TMEM132C: variants seen among roughly 807,000 people sequenced by gnomAD.
TMEM132C encodes transmembrane protein 132C, also known as protein phosphatase 1, regulatory subunit 152.
Under a neutral mutation model 61.4 loss-of-function variants are expected in TMEM132C, and 29 were observed. The observed-to-expected ratio is 0.47, with a 90% CI of 0.35 to 0.64. The LOEUF (loss-of-function observed/expected upper bound fraction) is 0.64. TMEM132C is among the 30% of genes least tolerant of loss of function. TMEM132C has a pLI of 0.00. For synonymous variants in TMEM132C, 656 were observed against 633.1 expected (o/e 1.04, Z -0.54); for missense variants, 1,408 against 1,476.9 (o/e 0.95, Z 0.76).
intron 1 of TMEM132C, among the ~76,000 whole-genome samples, chr12:128,331,049 A>C (rs1035174599): frequency 7.6e-4 from 115 of 152,174 alleles, no homozygotes; most frequent in Admixed American, 5.9e-4. Context: ...TCACTGATAA[A>C]GTTGAAATCC....
chr12:128,614,974 C>T (rs1876751281), intron 3 of TMEM132C, among the ~76,000 whole-genome samples: 1 of 152,180 alleles, frequency 6.6e-6, no homozygotes, highest in South Asian at 2.1e-4. Flanking sequence ...GCCAGGGGCA[C>T]CCCACAGCTG....
chr12:128,681,817 A>ATTTTTTTTTTTTTT (rs35154554), intron 5 of TMEM132C, among the ~76,000 whole-genome samples: 90 of 86,436 alleles, frequency 1.0e-3, no homozygotes, highest in African/African-American at 1.6e-3. Context: ...CCACGCCTGG[A>ATTTTTTTTTTTTTT]TTTTTTTTTT....
chr12:128,694,560 C>T (rs530943021), intron 6 of TMEM132C, among the ~76,000 whole-genome samples: 1 of 152,178 alleles, frequency 6.6e-6, no homozygotes, highest in East Asian at 1.9e-4. Context: ...GCCCTGTGAC[C>T]CCCGGATTAG....
At chr12:128,555,505 C>T (rs563453473) in intron 3 of TMEM132C, among the ~76,000 whole-genome samples, 79 of 152,284 alleles carry the variant, frequency 5.2e-4, no homozygotes, top group African/African-American at 1.8e-3. Context: ...TCTCCCACTC[C>T]ACACACGCAA....
intron 4 of TMEM132C, among the ~76,000 whole-genome samples, chr12:128,622,632 G>A (rs948719123): frequency 1.3e-5 from 2 of 151,670 alleles, no homozygotes; most frequent in African/African-American, 4.8e-5. Flanking sequence ...GGATCTGCAC[G>A]TCAATCTGCA....
intron 5 of TMEM132C, among the ~76,000 whole-genome samples, chr12:128,679,348 C>T (rs1481865347): frequency 6.6e-6 from 1 of 152,210 alleles, no homozygotes; most frequent in Non-Finnish European, 1.5e-5. Flanking sequence ...ATCTCAGTAA[C>T]TTAACAACAG....
chr12:128,396,944 G>A (rs1874978847), intron 1 of TMEM132C, among the ~76,000 whole-genome samples: 1 of 152,198 alleles, frequency 6.6e-6, no homozygotes, highest in African/African-American at 2.4e-5. Flanking sequence ...AGCTGCAGTG[G>A]ACACCTTAGA....
rs561313229 is a variant in TMEM132C at position 128,326,553 on chromosome 12, A to G, written c.85+59066A>G. On this transcript the variant is annotated intron_variant, in intron 1 of 8. Transcript: ENST00000435159. The surrounding 1 kb of genome is among the most constrained non-coding windows in gnomAD (Gnocchi z 5.6). ...AGGTGGAGCAGCCCAGGCTTCCACA[A>G]TATCTAGAATTGGAACAGTAGCCCC... is the stretch of plus-strand genomic sequence containing the variant. Among the ~76,000 whole-genome samples, 35 of 152,280 alleles carry G rather than the reference A, an allele frequency of 2.3e-4. No homozygotes were observed. Among genetic ancestry groups the G allele is most frequent in the Admixed American group, 1.8e-3 (27 of 15,296 alleles).
At chr12:128,361,796 T>G (rs1457026635) in intron 1 of TMEM132C, among the ~76,000 whole-genome samples, 1 of 152,166 alleles carries the variant, frequency 6.6e-6, no homozygotes, top group African/African-American at 2.4e-5. Flanking sequence ...TCTGAGGACT[T>G]GGGGCCCCGT....
At chr12:128,425,545 C>T (rs1869150567) in intron 2 of TMEM132C, among the ~76,000 whole-genome samples, 1 of 152,230 alleles carries the variant, frequency 6.6e-6, no homozygotes, top group African/African-American at 2.4e-5. Flanking sequence ...GATGCATTAG[C>T]TCCCTGCGGC....
At chr12:128,590,452 A>AT (rs5801805) in intron 3 of TMEM132C, among the ~76,000 whole-genome samples, 73,064 of 152,046 alleles carry the variant, frequency 0.48, 19,307 homozygotes, top group East Asian at 0.69. Flanking sequence ...TGCTTAGAAA[A>AT]TGACAGTTGG....
At chr12:128,674,027 G>A (rs940299984) in intron 5 of TMEM132C, among the ~76,000 whole-genome samples, 6 of 152,222 alleles carry the variant, frequency 3.9e-5, no homozygotes, top group Non-Finnish European at 7.3e-5. Flanking sequence ...CACTTCAAAT[G>A]TACAATTCAG....
At chr12:128,666,691 G>C (rs1954479990) in intron 4 of TMEM132C, among the ~76,000 whole-genome samples, 1 of 152,232 alleles carries the variant, frequency 6.6e-6, no homozygotes, top group African/African-American at 2.4e-5. Context: ...CCAGTCAGAA[G>C]AGTGGTTTTA....
intron 1 of TMEM132C, among the ~76,000 whole-genome samples, chr12:128,373,276 C>G (rs921272731): frequency 1.7e-4 from 26 of 152,068 alleles, no homozygotes; most frequent in African/African-American, 5.3e-4. Context: ...TGGAGCTGGT[C>G]CTCTCTGTCC....
At chr12:128,503,376 C>T (rs759031350) in intron 2 of TMEM132C, among the ~76,000 whole-genome samples, 1 of 152,156 alleles carries the variant, frequency 6.6e-6, no homozygotes, top group Non-Finnish European at 1.5e-5. Context: ...GTTGGAAATG[C>T]CCTGGTGACA....
intron 3 of TMEM132C, among the ~76,000 whole-genome samples, chr12:128,578,717 A>C (rs58185360): frequency 0.065 from 9,866 of 151,614 alleles, 1,126 homozygotes; most frequent in African/African-American, 0.23. Context: ...CTTGCCTCGG[A>C]CTCCCAAGTA....
intron 1 of TMEM132C, among the ~76,000 whole-genome samples, chr12:128,382,850 A>G (rs531525579): frequency 6.6e-6 from 1 of 152,228 alleles, no homozygotes; most frequent in African/African-American, 2.4e-5. Flanking sequence ...CTGAGTATGT[A>G]TGTGTATCTG....
intron 3 of TMEM132C, among the ~76,000 whole-genome samples, chr12:128,551,488 G>C (rs147563956): frequency 3.9e-5 from 6 of 152,080 alleles, no homozygotes; most frequent in Non-Finnish European, 8.8e-5. Context: ...TGAGCATCTC[G>C]GCAGTCAGGC....
intron 4 of TMEM132C, among the ~76,000 whole-genome samples, chr12:128,627,017 G>A (rs1176485953): frequency 1.3e-5 from 2 of 152,144 alleles, no homozygotes; most frequent in East Asian, 3.9e-4. Context: ...TGTTGCAGAT[G>A]CTGCCAGCTC....
Sources: gnomAD v4.1 joint callset for allele counts (sites outside exome capture counted in the v4.1 genomes callset) on GRCh38, gnomAD v4.1.1 for gene constraint, Gnocchi (gnomAD v3.1) non-coding constraint, MANE v1.5 for transcripts, NCBI Gene and HGNC (gene_info 2026-07-23, HGNC 2026-07-21) for gene names.